The following DSCAML1 variants were observed in gnomAD, a reference collection of about 807,000 sequenced individuals.
DSCAML1 encodes the protein DS cell adhesion molecule like 1.
In DSCAML1, 38 loss-of-function variants were observed where a neutral mutation model predicts 200.5. The observed-to-expected ratio is 0.19, with a 90% confidence interval of 0.15 to 0.25. DSCAML1 has a LOEUF of 0.25. Among genes scored for constraint, DSCAML1 ranks in the 10% least tolerant of loss-of-function variants. The pLI is 1.00. For missense variants in DSCAML1, 2,223 were observed against 2,858.8 expected, an observed-to-expected ratio of 0.78 and a Z score of 5.07; for synonymous variants, 1,215 against 1,165.0, an observed-to-expected ratio of 1.04 and a Z score of -0.87.
intron 3 of DSCAML1, among the ~76,000 whole-genome samples, chr11:117,563,255 A>G (rs2050697764): frequency 6.6e-6 from 1 of 152,178 alleles, no homozygotes; most frequent in Admixed American, 6.5e-5. Flanking sequence ...AAGACGGGAT[A>G]AAGGAAAGAG....
At position 117,437,881 on chromosome 11, in the gene DSCAML1, G is replaced by C. The variant is rs1414591168; in HGVS notation, c.4432+14C>G. 6.3e-7 allele frequency: 1 copy of C among 1,596,436 alleles called. No homozygotes were observed. ...CCCATCGCTCCTTCCCTGCCCCAGT[G>C]GCCTGGGCCTCACCCCGCCCGTGGG... On this transcript the variant is annotated intron_variant, in intron 25 of 32. Coordinates refer to ENST00000651296, the MANE Select transcript of DSCAML1 (RefSeq NM_020693.4). This position sits in a 1 kb window ranked among gnomAD's most constrained non-coding sequence, Gnocchi z 5.3.
intron 20 of DSCAML1, among the ~76,000 whole-genome samples, chr11:117,448,344 C>G (rs1390991272): frequency 6.6e-6 from 1 of 152,206 alleles, no homozygotes; most frequent in African/African-American, 2.4e-5. Flanking sequence ...GCTACCGATT[C>G]ATTCTTCGAA....
At chr11:117,670,432 G>A (rs563577183) in intron 3 of DSCAML1, among the ~76,000 whole-genome samples, 1 of 152,244 alleles carries the variant, frequency 6.6e-6, no homozygotes, top group South Asian at 2.1e-4. Context: ...GCAGGCAGGA[G>A]GCGAGCAGCA....
chr11:117,785,346 A>G (rs2055331747), intron 1 of DSCAML1, among the ~76,000 whole-genome samples: 1 of 152,228 alleles, frequency 6.6e-6, no homozygotes, highest in Non-Finnish European at 1.5e-5. Context: ...GGGAAGAGGT[A>G]GGAGCTGAGC....
At chr11:117,646,442 A>G (rs558404622) in intron 3 of DSCAML1, among the ~76,000 whole-genome samples, 1 of 152,286 alleles carries the variant, frequency 6.6e-6, no homozygotes, top group South Asian at 2.1e-4. Flanking sequence ...ATCCCCCCCA[A>G]GTCCTACTCA....
At chr11:117,432,677 C>G (rs880615) in intron 29 of DSCAML1, among the ~76,000 whole-genome samples, 173 bp from the exon 30 acceptor site, 3 of 151,816 alleles carry the variant, frequency 2.0e-5, no homozygotes, top group Non-Finnish European at 2.9e-5. Context: ...ATTGTGATCA[C>G]TGCTCACTGC....
rs867315618 is a variant in DSCAML1 at position 117,757,589 on chromosome 11, C to G, written c.511+19202G>C. On this transcript the variant is annotated intron_variant, in intron 3 of 32. Transcript: ENST00000651296. Reference sequence around the variant, plus strand: ...AGGAGCCTATACACACACACACACACACACACACACACACACACACACACA... The same window carrying G: ...AGGAGCCTATACACACACACACACAGACACACACACACACACACACACACA... Among the ~76,000 whole-genome samples, 879 of 134,814 alleles carry G rather than the reference C, an allele frequency of 6.5e-3. 14 individuals are homozygous for G. The highest frequency in any genetic ancestry group is 0.027 in the African/African-American group (719 of 26,824). The allele number at this position is 134,814 out of a possible 152,430, so 88.4% of individuals were successfully genotyped here.
intron 14 of DSCAML1, among the ~76,000 whole-genome samples, chr11:117,478,894 T>C (rs888692341): frequency 7.2e-5 from 11 of 152,204 alleles, no homozygotes; most frequent in African/African-American, 2.7e-4. Flanking sequence ...CTTGGATCTG[T>C]AGCCCTCCTG....
At chr11:117,784,356 A>T (rs2055312873) in intron 1 of DSCAML1, among the ~76,000 whole-genome samples, 1 of 152,214 alleles carries the variant, frequency 6.6e-6, no homozygotes, top group African/African-American at 2.4e-5. Context: ...ATCACCATTA[A>T]TTTAGCCTCG....
In DSCAML1 at chr11:117,518,344, A is replaced by T. The variant is rs2049816989; in HGVS notation, c.1510+122T>A. 3.0e-6 allele frequency: 4 copies of T among 1,336,754 alleles called. No homozygotes were observed. The highest frequency in any genetic ancestry group is 1.8e-5 in the Admixed American group (1 of 57,026). The allele number at this position is 1,336,754 out of a possible 1,614,324, so 82.8% of individuals were successfully genotyped here. A position where few individuals can be genotyped will look rare whatever the true frequency, so the allele number is the denominator to read the frequency against. On this transcript the variant is annotated intron_variant, in intron 7 of 32. Coordinates refer to ENST00000651296, the MANE Select transcript of DSCAML1 (RefSeq NM_020693.4). This position sits in a 1 kb window ranked among gnomAD's most constrained non-coding sequence, Gnocchi z 6.3. ...AAAGGGGACGAGAGAGGGGAGAGAGACCTCTACTAAAATCAAAATGACGAT... is the reference window on the plus strand; with the variant it reads ...AAAGGGGACGAGAGAGGGGAGAGAGTCCTCTACTAAAATCAAAATGACGAT...
intron 1 of DSCAML1, among the ~76,000 whole-genome samples, chr11:117,808,944 G>C (rs1408665117): frequency 2.0e-5 from 3 of 152,160 alleles, no homozygotes; most frequent in Non-Finnish European, 4.4e-5. Context: ...GAAAACTGAG[G>C]CTCCGAGACA....
At chr11:117,730,744 T>C (rs2054204343) in intron 3 of DSCAML1, among the ~76,000 whole-genome samples, 1 of 152,190 alleles carries the variant, frequency 6.6e-6, no homozygotes, top group South Asian at 2.1e-4. Context: ...CGCACCAACA[T>C]TTGTAAACAA....
At chr11:117,547,061 G>GGGGAGA (rs757055938) in intron 3 of DSCAML1, among the ~76,000 whole-genome samples, 4 of 152,128 alleles carry the variant, frequency 2.6e-5, no homozygotes, top group Non-Finnish European at 4.4e-5. Context: ...GGCGAGGAGT[G>GGGGAGA]GGGAGAGGGA....
intron 3 of DSCAML1, among the ~76,000 whole-genome samples, chr11:117,540,892 C>T: frequency 6.6e-6 from 1 of 150,762 alleles, no homozygotes; most frequent in Non-Finnish European, 1.5e-5. Context: ...TAGTGAGTCT[C>T]CTGTCACTGG....
chr11:117,662,110 C>T (rs867538749), intron 3 of DSCAML1, among the ~76,000 whole-genome samples: 1 of 152,214 alleles, frequency 6.6e-6, no homozygotes, highest in African/African-American at 2.4e-5. Context: ...AGGCAGCATC[C>T]CAGGACAAAG....
chr11:117,486,252 ATGGGAAAGTGGTGGATGGGAAAGTGGCG>A (rs1565730809), intron 11 of DSCAML1, among the ~76,000 whole-genome samples: 5 of 72,324 alleles, frequency 6.9e-5, no homozygotes, highest in Non-Finnish European at 1.1e-4. Context: ...AAAGTGGCGG[ATGGGAAAGTGGTGGATGGGAAAGTGGCG>A]GATGTGAAAA....
At chr11:117,728,083 T>C (rs1263562286) in intron 3 of DSCAML1, among the ~76,000 whole-genome samples, 1 of 152,184 alleles carries the variant, frequency 6.6e-6, no homozygotes, top group East Asian at 1.9e-4. Context: ...TTGTGTACTA[T>C]GACCAAGTGG....
At position 117,504,532 on chromosome 11, in the gene DSCAML1, G is replaced by A. The variant is rs1020237079; in HGVS notation, c.2182+392C>T. Reference sequence around the variant, plus strand: ...CAGAAAGCAAAGGCATCCCTGGGATGAAATTGGGCTCCAAGAAGGACCCTG... The same window carrying A: ...CAGAAAGCAAAGGCATCCCTGGGATAAAATTGGGCTCCAAGAAGGACCCTG... On this transcript the variant is annotated intron_variant, in intron 10 of 32. Transcript: ENST00000651296. The surrounding 1 kb of genome is among the most constrained non-coding windows in gnomAD (Gnocchi z 5.0). Among the ~76,000 whole-genome samples the A allele has an allele frequency of 6.6e-6, 1 of 152,188 alleles. No homozygotes were observed. Among genetic ancestry groups the A allele is most frequent in the Non-Finnish European group, 1.5e-5 (1 of 68,032 alleles).
intron 8 of DSCAML1, among the ~76,000 whole-genome samples, chr11:117,508,031 G>A (rs499829): frequency 1.1e-3 from 166 of 152,200 alleles, no homozygotes; most frequent in Admixed American, 6.2e-3. Flanking sequence ...CCTAGTTGGT[G>A]TGTATCCCTA....
Sources: gnomAD v4.1 joint callset for allele counts (sites outside exome capture counted in the v4.1 genomes callset) on GRCh38, gnomAD v4.1.1 for gene constraint, Gnocchi (gnomAD v3.1) non-coding constraint, MANE v1.5 for transcripts, NCBI Gene and HGNC (gene_info 2026-07-23, HGNC 2026-07-21) for gene names.